THSD4: variants seen among roughly 807,000 people sequenced by gnomAD.
THSD4 encodes the protein thrombospondin type 1 domain containing 4.
In THSD4, 69 loss-of-function variants were observed where a neutral mutation model predicts 119.0. That is an observed-to-expected ratio of 0.58 (90% confidence interval 0.48 to 0.71). The LOEUF (loss-of-function observed/expected upper bound fraction) is 0.71, where lower values mean the gene tolerates loss of function less well. Ranked by LOEUF, THSD4 falls within the 30% of genes least tolerant of loss-of-function variation. THSD4 has a pLI of 0.00. For synonymous variants in THSD4, 524 were observed against 540.4 expected (o/e 0.97, Z 0.42); for missense variants, 1,393 against 1,391.1 (o/e 1.00, Z -0.02).
chr15:71,123,569 AGGCGG>A (rs1479772075), intron 1 of THSD4, among the ~76,000 whole-genome samples: 7 of 152,292 alleles, frequency 4.6e-5, no homozygotes, highest in African/African-American at 1.7e-4. Context: ...GGAGTGTGAG[AGGCGG>A]GGAGTAATAG....
intron 7 of THSD4, among the ~76,000 whole-genome samples, chr15:71,606,860 A>G (rs2050120524): frequency 6.6e-6 from 1 of 152,210 alleles, no homozygotes; most frequent in Admixed American, 6.5e-5. Flanking sequence ...ATTGTATTGT[A>G]GCTGTCCTTA....
intron 3 of THSD4, among the ~76,000 whole-genome samples, chr15:71,173,154 TA>T (rs2043399578): frequency 6.6e-6 from 1 of 152,112 alleles, no homozygotes; most frequent in Admixed American, 6.5e-5. Flanking sequence ...TTGTTAGAAC[TA>T]ATAAATGAAT....
chr15:71,735,892 CTCTCTCTG>C (rs1186479971), intron 10 of THSD4, among the ~76,000 whole-genome samples: 1 of 150,106 alleles, frequency 6.7e-6, no homozygotes, highest in Non-Finnish European at 1.5e-5. Flanking sequence ...GTCTCTCTGT[CTCTCTCTG>C]TCTCTCTTGC....
At chr15:71,365,131 T>TTGTGTGTGTGTGTGTGTGCG (rs2045942201) in intron 6 of THSD4, among the ~76,000 whole-genome samples, 2 of 135,824 alleles carry the variant, frequency 1.5e-5, no homozygotes, top group Non-Finnish European at 3.2e-5. Context: ...GCCCCCCCCA[T>TTGTGTGTGTGTGTGTGTGCG]TGTGTGTGTG....
intron 7 of THSD4, among the ~76,000 whole-genome samples, chr15:71,529,563 T>C (rs1012221612): frequency 5.3e-5 from 8 of 152,230 alleles, no homozygotes; most frequent in African/African-American, 9.6e-5. Flanking sequence ...ACTACACTTA[T>C]TGTGTTTTCA....
At chr15:71,408,167 CAA>C (rs57537140) in intron 6 of THSD4, among the ~76,000 whole-genome samples, 44 of 148,272 alleles carry the variant, frequency 3.0e-4, no homozygotes, top group African/African-American at 8.0e-4. Context: ...TACTTAAAGG[CAA>C]AAAAAAAAAG....
chr15:71,249,916 C>G (rs577854181), intron 5 of THSD4, among the ~76,000 whole-genome samples: 1 of 152,214 alleles, frequency 6.6e-6, no homozygotes, highest in African/African-American at 2.4e-5. Flanking sequence ...CTGATCTACA[C>G]TAGCCACATT....
At chr15:71,657,738 C>T (rs542327199) in intron 7 of THSD4, among the ~76,000 whole-genome samples, 4 of 152,268 alleles carry the variant, frequency 2.6e-5, no homozygotes, top group South Asian at 4.2e-4. Flanking sequence ...CAGGCTACTT[C>T]GACATCTACC....
intron 15 of THSD4, 104 bp downstream of exon 15, chr15:71,758,179 C>G: frequency 1.3e-5 from 17 of 1,321,470 alleles, no homozygotes; most frequent in Non-Finnish European, 1.7e-5. Context: ...GCTTTGAATC[C>G]CAGCAGTGCC....
intron 3 of THSD4, among the ~76,000 whole-genome samples, chr15:71,210,059 T>TTATTAATAC (rs1310823374): frequency 6.6e-6 from 1 of 152,212 alleles, no homozygotes; most frequent in Non-Finnish European, 1.5e-5. Flanking sequence ...ATTAATACAT[T>TTATTAATAC]GGGTATAAAG....
intron 8 of THSD4, among the ~76,000 whole-genome samples, chr15:71,727,739 C>A: frequency 7.9e-6 from 1 of 126,316 alleles, no homozygotes; most frequent in East Asian, 2.7e-4. Context: ...CACTGCACTC[C>A]AGCCTGGGCG....
intron 7 of THSD4, among the ~76,000 whole-genome samples, chr15:71,482,274 A>T (rs11638040): frequency 0.61 from 91,644 of 150,916 alleles, 29,254 homozygotes; most frequent in Non-Finnish European, 0.72. Flanking sequence ...AGACAGAAAG[A>T]TGGAAAGGAC....
chr15:71,636,949 A>G (rs957358699), intron 7 of THSD4, among the ~76,000 whole-genome samples: 14 of 149,038 alleles, frequency 9.4e-5, no homozygotes, highest in Admixed American at 6.0e-4. Flanking sequence ...CAGTGGTGTG[A>G]TCTCGGCTCA....
At chr15:71,255,276 G>T (rs1440420855) in intron 5 of THSD4, among the ~76,000 whole-genome samples, 2 of 152,060 alleles carry the variant, frequency 1.3e-5, no homozygotes, top group Non-Finnish European at 2.9e-5. Flanking sequence ...CTTAAACAGA[G>T]TATAGCTTGG....
intron 6 of THSD4, among the ~76,000 whole-genome samples, chr15:71,378,256 T>C (rs2046177658): frequency 6.6e-6 from 1 of 152,214 alleles, no homozygotes; most frequent in Non-Finnish European, 1.5e-5. Flanking sequence ...CATACAGTTT[T>C]CTATCGGGTC....
At chr15:71,128,423 C>T (rs1238273100) in intron 1 of THSD4, among the ~76,000 whole-genome samples, 5 of 150,372 alleles carry the variant, frequency 3.3e-5, no homozygotes, top group Non-Finnish European at 5.9e-5. Flanking sequence ...GCTACTTGGA[C>T]GGCTAAGGCA....
At chr15:71,239,364 C>T (rs1285918793) in intron 4 of THSD4, among the ~76,000 whole-genome samples, 1 of 152,118 alleles carries the variant, frequency 6.6e-6, no homozygotes, top group Non-Finnish European at 1.5e-5. Context: ...TCACTGGCCT[C>T]ATCTTAATCC....
upstream of THSD4, among the ~76,000 whole-genome samples, chr15:71,112,669 A>C (rs537347071): frequency 4.6e-5 from 7 of 152,308 alleles, no homozygotes; most frequent in South Asian, 8.3e-4. Context: ...CTAGCCTTTG[A>C]CTGTGATCTG....
chr15:71,217,509 G>T lies in THSD4; in HGVS notation c.464+2110G>T, dbSNP rs1174113251. 5.3e-5 allele frequency among the ~76,000 whole-genome samples: 8 copies of T among 151,862 alleles called. No individual in the cohort carries two copies. The South Asian group carries it at 1.5e-3, about 28-fold the overall frequency. The stretch of plus-strand genomic sequence containing the variant: ...GTGGTGGCGGGTGCCTGTATTCCCA[G>T]CTACTCGGGAGGCTGAGGCAGGAGA... On this transcript the variant is annotated intron_variant, in intron 4 of 17. Coordinates refer to ENST00000261862, the MANE Select transcript of THSD4 (RefSeq NM_024817.3).
Sources: allele counts gnomAD v4.1 joint callset (sites outside exome capture counted in the v4.1 genomes callset), GRCh38; gene constraint gnomAD v4.1.1; transcripts MANE v1.5; gene names NCBI Gene and HGNC (gene_info 2026-07-23, HGNC 2026-07-21).